Variants in PABPC4 observed in about 807,000 individuals in gnomAD.
The protein encoded by PABPC4 is poly(A) binding protein cytoplasmic 4.
PABPC4 carries 15 observed loss-of-function variants against 74.5 expected under a neutral mutation model. That is an observed-to-expected ratio of 0.20 (90% CI 0.13 to 0.31). The LOEUF (loss-of-function observed/expected upper bound fraction) is 0.31, where lower values mean the gene tolerates loss of function less well. Among genes scored for constraint, PABPC4 ranks in the 10% least tolerant of loss-of-function variants. The pLI, the probability that PABPC4 is intolerant of heterozygous loss-of-function variation, is 1.00. For synonymous variants in PABPC4, 345 were observed against 303.0 expected, an observed-to-expected ratio of 1.14 and a Z score of -1.44; for missense variants, 610 against 853.5, an observed-to-expected ratio of 0.71 and a Z score of 3.55.
At chr1:39,569,372 TCAA>T (rs1179031357) in intron 5 of PABPC4, 2 of 576,882 alleles carry the variant, frequency 3.5e-6, no homozygotes, top group Admixed American at 3.0e-5. Context: ...TCCTATTCTT[TCAA>T]CAACTGATAG....
intron 15 of PABPC4, 44 bp downstream of exon 15, chr1:39,561,641 G>A: frequency 7.4e-7 from 1 of 1,354,828 alleles, no homozygotes; most frequent in Non-Finnish European, 1.1e-6. Context: ...AATGCTCATA[G>A]GAACAATGCT....
At chr1:39,571,086 G>C in intron 3 of PABPC4, 148 bp downstream of exon 3, 2 of 1,532,734 alleles carry the variant, frequency 1.3e-6, no homozygotes, top group South Asian at 2.5e-5. Flanking sequence ...GGCTCAGGCA[G>C]GGAGACTCAC....
Position 39,569,696 on chromosome 1 carries a change from C to G in PABPC4, c.644-7G>C, listed in dbSNP as rs1645909084. On this transcript the variant is annotated splice_polypyrimidine_tract_variant and splice_region_variant and intron_variant, in intron 4 of 15. Transcript: ENST00000372858. ...TTGACACTTAGGGTCTTACCTATTA[C>G]CAAAGGACAGAACTATTAGTAACAC... The G allele has an allele frequency of 1.9e-6, 3 of 1,609,062 alleles. No homozygotes were observed. Among genetic ancestry groups the G allele is most frequent in the Non-Finnish European group, 2.6e-6 (3 of 1,175,558 alleles).
chr1:39,573,898 G>A lies in PABPC4; in HGVS notation c.194-1312C>T, dbSNP rs561817194. Among the ~76,000 whole-genome samples the A allele has an allele frequency of 5.3e-5, 8 of 152,170 alleles. No homozygotes were observed. The South Asian group carries it at 1.7e-3, about 32-fold the overall frequency. ...GCCAAAACACTTCTCATCACTAATC[G>A]CAACAAGGATGCCCAGATCTGGTGG... On this transcript the variant is annotated intron_variant, in intron 1 of 15. Transcript: ENST00000372858.
In PABPC4 at chr1:39,568,572, G is replaced by C. The variant is rs186782438; in HGVS notation, c.876+230C>G. 736 of 444,596 alleles carry C rather than the reference G, an allele frequency of 1.7e-3. 2 individuals carry two copies. Among genetic ancestry groups the C allele is most frequent in the Non-Finnish European group, 2.3e-3 (593 of 256,196 alleles). The allele number at this position is 444,596 out of a possible 1,614,324, so 27.5% of individuals were successfully genotyped here. ...TACATGGCTAAAAGCAACAGGCTGA[G>C]GCTTCCAAAATAGAGAGCTTCTTGA... is the stretch of plus-strand genomic sequence containing the variant. On this transcript the variant is annotated intron_variant, in intron 6 of 15. Transcript: ENST00000372858.
intron 1 of PABPC4, 24 bp from the exon 2 acceptor site, chr1:39,572,610 A>G (rs762708463): frequency 3.8e-5 from 61 of 1,596,354 alleles, no homozygotes; most frequent in Middle Eastern, 3.3e-4. Context: ...ACACATTTCA[A>G]TAAGGAGAGA....
At chr1:39,564,229 T>C (rs952930312) in intron 10 of PABPC4, 194 bp downstream of exon 10, 33 of 667,890 alleles carry the variant, frequency 4.9e-5, no homozygotes, top group Admixed American at 9.0e-5. Context: ...GAGCAAAGAA[T>C]GTTAAAAGCA....
intron 6 of PABPC4, 187 bp from the exon 7 acceptor site, chr1:39,568,033 G>A (rs892597670): frequency 4.6e-5 from 22 of 476,832 alleles, no homozygotes; most frequent in East Asian, 3.6e-4. Context: ...CGAGGCGGGC[G>A]AATCACAAGG....
At position 39,576,338 on chromosome 1, in the gene PABPC4, G is replaced by C. The variant is rs1646025836; in HGVS notation, c.-387C>G. On this transcript the variant is annotated 5_prime_UTR_variant, in exon 1 of 16. Coordinates refer to ENST00000372858, the MANE Select transcript of PABPC4 (RefSeq NM_001135653.2). ...CTGCCCACGGCGGCCTCGGGGACAC[G>C]CGTTTCTCTATAAATATAGGCCTCG... 6.0e-6 allele frequency: 1 copy of C among 165,790 alleles called. No individual in the cohort carries two copies. Among genetic ancestry groups the C allele is most frequent in the Non-Finnish European group, 1.3e-5 (1 of 77,478 alleles). 10.3% of individuals were successfully genotyped at this position (165,790 alleles called of 1,614,324 possible).
At chr1:39,567,305 T>C in intron 7 of PABPC4, 12 of 466,338 alleles carry the variant, frequency 2.6e-5, no homozygotes, top group South Asian at 1.9e-4. Context: ...TTCCTCTCTT[T>C]TTAAGACCAG....
chr1:39,572,487 A>G lies in PABPC4; in HGVS notation c.293T>C (p.Val98Ala). The change falls in exon 2 of 16, where the codon GTG (valine) becomes GCG (alanine). Residue 98 changes from valine to alanine, a missense_variant. Around this residue, in one of 4 missense-constraint regions of PABPC4, gnomAD observed 304 missense variants for 478.9 expected, o/e 0.63. Transcript: ENST00000372858. ...CAGGTTCTTGATGAAGACGTTTCCC[A>G]CACCAGATTTTCTCAAAGAGGGATC... The part of the protein sequence containing the change: ...QRDPSLRKSG[V>A]GNVFIKNLDK... 6.2e-7 allele frequency: 1 copy of G among 1,613,986 alleles called. No homozygotes were observed.
chr1:39,567,660 T>C (rs1645869207), intron 7 of PABPC4, 91 bp downstream of exon 7: 3 of 759,472 alleles, frequency 4.0e-6, no homozygotes, highest in Non-Finnish European at 2.3e-6. Flanking sequence ...GAAATGAACA[T>C]AATTTAAATG....
At chr1:39,570,406 A>G (rs1283290993) in intron 3 of PABPC4, 1 of 170,246 alleles carries the variant, frequency 5.9e-6, no homozygotes, top group Non-Finnish European at 1.2e-5. Flanking sequence ...TTGCTTTTTA[A>G]ATTTATTTAT....
At position 39,563,705 on chromosome 1, in the gene PABPC4, G is replaced by A; in HGVS notation, c.1577C>T (p.Ala526Val). The A allele has an allele frequency of 6.2e-7, 1 of 1,614,260 alleles. No homozygotes were observed. Among genetic ancestry groups the A allele is most frequent in the Non-Finnish European group, 8.5e-7 (1 of 1,180,056 alleles). ...CCGGGGAGCAGCAGCAGCAACAGCA[G>A]CGCGTGGCGCTAAGTTCTGCACAGC... is the stretch of plus-strand genomic sequence containing the variant. Reference protein sequence around the residue: ...PTAVQNLAPRAAVAAAAPRAV... With the variant: ...PTAVQNLAPRVAVAAAAPRAV... The change falls in exon 12 of 16, where the codon GCT (alanine) becomes GTT (valine). Residue 526 changes from alanine (A) to valine (V), a missense_variant. Physicochemically the swap from Ala to Val is moderately conservative, Grantham distance 64. Around this residue, in one of 4 missense-constraint regions of PABPC4, gnomAD observed 277 missense variants for 301.8 expected, o/e 0.92. Coordinates refer to ENST00000372858, the MANE Select transcript of PABPC4 (RefSeq NM_001135653.2).
At position 39,564,699 on chromosome 1, in the gene PABPC4, A is replaced by C. The variant is rs1645810280; in HGVS notation, c.1320T>G (p.Gly440=). 6.2e-7 allele frequency: 1 copy of C among 1,613,930 alleles called. No homozygotes were observed. The highest frequency in any genetic ancestry group is 1.3e-5 in the African/African-American group (1 of 74,908). The change falls in exon 9 of 16, where the codon GGT becomes GGG. Residue 440 remains glycine, a synonymous_variant. Coordinates refer to ENST00000372858, the MANE Select transcript of PABPC4 (RefSeq NM_001135653.2). The part of the protein sequence containing the change: ...QMRPNPRWQQ[G]GRPQGFQGMP... Reference sequence around the variant, plus strand: ...CCCACCACCTACCTTGAGGTCTCCCACCTTGCTGCCAGCGTGGATTAGGCC... The same window carrying C: ...CCCACCACCTACCTTGAGGTCTCCCCCCTTGCTGCCAGCGTGGATTAGGCC...
chr1:39,561,061 C>G lies in PABPC4; in HGVS notation c.*75G>C, dbSNP rs1645762084. ...ATCCTTGGTGTTGAGGTCCATAGGA[C>G]AAGCTAGGAAGTCTTCAAACCTTGA... On this transcript the variant is annotated 3_prime_UTR_variant, in exon 16 of 16. Transcript: ENST00000372858. 2.2e-6 allele frequency: 1 copy of G among 465,012 alleles called. No homozygotes were observed. The highest frequency in any genetic ancestry group is 4.5e-6 in the Non-Finnish European group (1 of 223,790). The allele number at this position is 465,012 out of a possible 1,614,324, so 28.8% of individuals were successfully genotyped here. A position where few individuals can be genotyped will look rare whatever the true frequency, so the allele number is the denominator to read the frequency against.
rs536410960 is a variant in PABPC4 at position 39,564,013 on chromosome 1, C to G, written c.1454-91G>C. On this transcript the variant is annotated intron_variant, in intron 10 of 15. Transcript: ENST00000372858. ...AAGGAGAAATTTCAAAGCACGTTTA[C>G]GCAACACATTGCACAGGGGGCCACT... 740 of 1,170,670 alleles carry G rather than the reference C, an allele frequency of 6.3e-4. 5 individuals carry two copies. The Middle Eastern group carries it at 7.7e-3, about 12-fold the overall frequency. The allele number at this position is 1,170,670 out of a possible 1,614,324, so 72.5% of individuals were successfully genotyped here.
At chr1:39,571,470 A>G in intron 2 of PABPC4, 121 bp from the exon 3 acceptor site, 1 of 1,146,034 alleles carries the variant, frequency 8.7e-7, no homozygotes, top group Non-Finnish European at 1.3e-6. Flanking sequence ...GGTCAAGTAC[A>G]CCAGTATAAT....
intron 1 of PABPC4, among the ~76,000 whole-genome samples, chr1:39,572,918 C>G (rs1252737666): frequency 6.6e-6 from 1 of 152,252 alleles, no homozygotes; most frequent in East Asian, 1.9e-4. Context: ...CTAAGCTTTA[C>G]CACTTAGAAG....
Sources: allele counts gnomAD v4.1 joint callset (sites outside exome capture counted in the v4.1 genomes callset), GRCh38; gene constraint gnomAD v4.1.1; regional missense constraint gnomAD v4.1.1; transcripts MANE v1.5; gene names NCBI Gene and HGNC (gene_info 2026-07-23, HGNC 2026-07-21).